Variants in AMOT observed in about 807,000 individuals in gnomAD.
AMOT encodes angiomotin.
In AMOT, 11 loss-of-function variants were observed where a neutral mutation model predicts 67.0. The ratio of observed to expected loss-of-function variants is 0.16; its 90% confidence interval spans 0.10 to 0.27. AMOT has a LOEUF of 0.27. AMOT is among the 10% of genes least tolerant of loss of function. The pLI is 1.00. For missense variants in AMOT, 753 were observed against 852.0 expected (o/e 0.88, Z 1.45); for synonymous variants, 326 against 321.4 (o/e 1.01, Z -0.15).
intron 1 of AMOT, among the ~76,000 whole-genome samples, chrX:112,832,625 C>T (rs779265272): frequency 8.9e-6 from 1 of 112,080 alleles, no homozygotes; most frequent in Non-Finnish European, 1.9e-5. Context: ...AAAGCAAACT[C>T]CTGAAACACT....
At chrX:112,825,050 C>T (rs1158330671) in intron 3 of AMOT, 22 bp downstream of exon 3, 1 of 109,937 alleles carries the variant, frequency 9.1e-6, no homozygotes, top group Non-Finnish European at 1.9e-5. Context: ...CACACACACA[C>T]ACACACAGAA....
chrX:112,785,913 C>T (rs1933350105), intron 10 of AMOT, among the ~76,000 whole-genome samples: 1 of 112,403 alleles, frequency 8.9e-6, no homozygotes, highest in Non-Finnish European at 1.9e-5. Flanking sequence ...AGATGAAATA[C>T]TGTTTGCTGT....
At chrX:112,835,638 T>G (rs1321642856) in intron 1 of AMOT, among the ~76,000 whole-genome samples, 1 of 106,862 alleles carries the variant, frequency 9.4e-6, no homozygotes, top group East Asian at 2.9e-4. Flanking sequence ...CAGGCTGGAG[T>G]GCAATGGCGT....
chrX:112,808,039 G>A lies in AMOT; in HGVS notation c.1630+1855C>T, dbSNP rs774037235. 2.1e-4 allele frequency among the ~76,000 whole-genome samples: 23 copies of A among 112,048 alleles called. No homozygotes were observed. In the South Asian group the frequency reaches 8.7e-3, roughly 42 times the overall value. On this transcript the variant is annotated intron_variant, in intron 7 of 13. Transcript: ENST00000371959. The stretch of plus-strand genomic sequence containing the variant: ...AAACAAGTAGTTTCGATTTTTTGGA[G>A]GTTAAGTGCTCTTCATCTGGAGACT...
At chrX:112,831,576 C>T (rs648308) in intron 2 of AMOT, among the ~76,000 whole-genome samples, 9,568 of 110,176 alleles carry the variant, frequency 0.087, 1,039 homozygotes, top group African/African-American at 0.3. Context: ...CTAATAGCTC[C>T]GGCAACACAT....
At chrX:112,835,007 C>T (rs1935097836) in intron 1 of AMOT, among the ~76,000 whole-genome samples, 1 of 112,010 alleles carries the variant, frequency 8.9e-6, no homozygotes, top group African/African-American at 3.3e-5. Flanking sequence ...GGCAATGGGG[C>T]ACCAAAGGGC....
intron 8 of AMOT, among the ~76,000 whole-genome samples, chrX:112,800,347 T>C (rs1381144765): frequency 8.9e-6 from 1 of 112,442 alleles, no homozygotes; most frequent in Non-Finnish European, 1.9e-5. Context: ...CATCCTTAGA[T>C]GAAATGCCCT....
At chrX:112,821,092 C>G (rs1348003433) in intron 4 of AMOT, among the ~76,000 whole-genome samples, 6 of 111,736 alleles carry the variant, frequency 5.4e-5, no homozygotes, top group Non-Finnish European at 1.1e-4. Context: ...TCACTTTCAC[C>G]CTACTCCACC....
intron 8 of AMOT, among the ~76,000 whole-genome samples, chrX:112,797,552 G>A (rs183539779): frequency 1.8e-5 from 2 of 111,685 alleles, no homozygotes; most frequent in East Asian, 5.7e-4. Flanking sequence ...AGGCTGAGGC[G>A]GGTGGATTAC....
At chrX:112,795,117 C>T in intron 8 of AMOT, among the ~76,000 whole-genome samples, 1 of 111,318 alleles carries the variant, frequency 9.0e-6, no homozygotes, top group South Asian at 3.8e-4. Flanking sequence ...TGCAAGGTAC[C>T]TCTGCTTTAG....
At chrX:112,804,830 T>C in intron 8 of AMOT, 117 bp downstream of exon 8, 1 of 1,008,992 alleles carries the variant, frequency 9.9e-7, no homozygotes, top group East Asian at 3.1e-5. Flanking sequence ...GAGCAGCAGA[T>C]GGCACCTCCC....
At chrX:112,789,349 A>C (rs963056656) in intron 10 of AMOT, among the ~76,000 whole-genome samples, 1 of 111,409 alleles carries the variant, frequency 9.0e-6, no homozygotes. Context: ...CTCTATTGCC[A>C]CACTGGCATG....
intron 8 of AMOT, among the ~76,000 whole-genome samples, chrX:112,799,961 G>A (rs1276176565): frequency 4.5e-5 from 5 of 111,848 alleles, no homozygotes; most frequent in African/African-American, 9.7e-5. Context: ...GGCCAGGCAC[G>A]GTGGCTCACT....
chrX:112,838,822 CT>C (rs1300519029), intron 1 of AMOT, among the ~76,000 whole-genome samples: 2 of 112,371 alleles, frequency 1.8e-5, no homozygotes, highest in Non-Finnish European at 3.8e-5. Flanking sequence ...AAGCCACGAA[CT>C]TTTCCAAGGA....
At chrX:112,787,140 T>A (rs1933388633) in intron 10 of AMOT, among the ~76,000 whole-genome samples, 2 of 112,197 alleles carry the variant, frequency 1.8e-5, no homozygotes, top group African/African-American at 6.5e-5. Flanking sequence ...CAGCTTTCCC[T>A]TTGACAAGAG....
intron 7 of AMOT, among the ~76,000 whole-genome samples, chrX:112,809,641 T>C (rs1934294253): frequency 1.8e-5 from 2 of 110,717 alleles, no homozygotes; most frequent in African/African-American, 6.7e-5. Flanking sequence ...CTAGCAGGGA[T>C]TTCAAGGGGC....
chrX:112,790,708 T>C lies in AMOT; in HGVS notation c.2001A>G (p.Lys667=). 8.3e-7 allele frequency: 1 copy of C among 1,210,976 alleles called. No individual in the cohort carries two copies. Among genetic ancestry groups the C allele is most frequent in the Non-Finnish European group, 1.1e-6 (1 of 895,132 alleles). The change falls in exon 10 of 14, where the codon AAA becomes AAG. Residue 667 remains lysine, a synonymous_variant. Transcript: ENST00000371959. The stretch of plus-strand genomic sequence containing the variant: ...CTTCCAGAGCCAGAATCCTCTCCTC[T>C]TTCTCCCGAAGGAGCTCCATCAGTG... ...AAALMELLRE[K]EERILALEAD...
intron 5 of AMOT, among the ~76,000 whole-genome samples, chrX:112,813,768 C>CAGT (rs943547368): frequency 8.9e-6 from 1 of 111,791 alleles, no homozygotes; most frequent in Non-Finnish European, 1.9e-5. Flanking sequence ...GGGGTGTCAA[C>CAGT]TGTTAGCCTA....
Position 112,780,870 on chromosome X carries a change from T to C in AMOT, c.2473+16A>G. 8.3e-7 allele frequency: 1 copy of C among 1,199,856 alleles called. No individual in the cohort carries two copies. The highest frequency in any genetic ancestry group is 1.1e-6 in the Non-Finnish European group (1 of 884,933). On this transcript the variant is annotated intron_variant, in intron 12 of 13. Transcript: ENST00000371959. ...TTGAACACGTGACTATAATCTTCCT[T>C]ATTTACTGTCATTACCTAGGCTCCC...
Sources: gnomAD v4.1 joint callset for allele counts (sites outside exome capture counted in the v4.1 genomes callset) on GRCh38, gnomAD v4.1.1 for gene constraint, MANE v1.5 for transcripts, NCBI Gene and HGNC (gene_info 2026-07-23, HGNC 2026-07-21) for gene names.